Variants in DTNA observed in about 807,000 individuals in gnomAD.
DTNA encodes dystrophin-related protein 3.
Under a neutral mutation model 100.7 loss-of-function variants are expected in DTNA, and 43 were observed. The ratio of observed to expected loss-of-function variants is 0.43; its 90% confidence interval spans 0.33 to 0.55. The LOEUF (loss-of-function observed/expected upper bound fraction) is 0.55, where lower values mean the gene tolerates loss of function less well. DTNA is among the 20% of genes least tolerant of loss of function. The pLI is 0.04. For missense variants in DTNA, 798 were observed against 953.9 expected, an observed-to-expected ratio of 0.84 and a Z score of 2.15; for synonymous variants, 349 against 347.9, an observed-to-expected ratio of 1.00 and a Z score of -0.04.
At chr18:34,883,489 TTG>T (rs1453454401) in intron 21 of DTNA, among the ~76,000 whole-genome samples, 1 of 152,008 alleles carries the variant, frequency 6.6e-6, no homozygotes, top group African/African-American at 2.4e-5. Flanking sequence ...TTTTTATTTT[TTG>T]TGGAGTCAGG....
intron 2 of DTNA, among the ~76,000 whole-genome samples, chr18:34,756,913 G>A (rs1442165031): frequency 6.6e-6 from 1 of 152,060 alleles, no homozygotes; most frequent in African/African-American, 2.4e-5. Context: ...AAGAGTGAGT[G>A]GTAAGCCTTT....
chr18:34,812,227 T>C (rs2095499838), intron 6 of DTNA, 114 bp downstream of exon 6: 3 of 1,456,170 alleles, frequency 2.1e-6, no homozygotes, highest in Admixed American at 3.6e-5. Context: ...GATAGCAACC[T>C]GTATTGTATT....
chr18:34,758,632 A>G (rs925083475), intron 2 of DTNA, among the ~76,000 whole-genome samples: 11 of 152,226 alleles, frequency 7.2e-5, no homozygotes, highest in Non-Finnish European at 1.6e-4. Flanking sequence ...TTCAATTATT[A>G]TATTTCAAAG....
At chr18:34,649,326 G>A (rs904112956) in intron 1 of DTNA, among the ~76,000 whole-genome samples, 2 of 152,140 alleles carry the variant, frequency 1.3e-5, no homozygotes, top group African/African-American at 4.8e-5. Flanking sequence ...TGATATATCT[G>A]CAAAACGGCT....
intron 6 of DTNA, among the ~76,000 whole-genome samples, chr18:34,813,750 G>A (rs1480991906): frequency 6.7e-6 from 1 of 149,870 alleles, no homozygotes; most frequent in African/African-American, 2.5e-5. Context: ...CTAGAAGCAG[G>A]AGAATTGCTT....
At chr18:34,566,249 G>C (rs1051280064) in intron 1 of DTNA, among the ~76,000 whole-genome samples, 1 of 151,794 alleles carries the variant, frequency 6.6e-6, no homozygotes, top group Non-Finnish European at 1.5e-5. Context: ...AGCAGAGAAG[G>C]GTGGCATAGG....
In DTNA at chr18:34,624,779, G is replaced by A. The variant is rs560818842; in HGVS notation, c.-1-131197G>A. ...ACACAGTGGGAAACAGCTGTGATAAGTGCTTTAATAGTTGAATAAACAACA... is the reference window on the plus strand; with the variant it reads ...ACACAGTGGGAAACAGCTGTGATAAATGCTTTAATAGTTGAATAAACAACA... On this transcript the variant is annotated intron_variant, in intron 1 of 19. Coordinates refer to the DTNA transcript ENST00000283365. Among the ~76,000 whole-genome samples, 3 of 152,354 alleles carry A rather than the reference G, an allele frequency of 2.0e-5. No individual in the cohort carries two copies. The South Asian group carries it at 6.2e-4, about 32-fold the overall frequency.
upstream of DTNA, among the ~76,000 whole-genome samples, chr18:34,707,340 T>TA (rs922392841): frequency 6.6e-6 from 1 of 152,114 alleles, no homozygotes; most frequent in African/African-American, 2.4e-5. Context: ...TCATATGAAA[T>TA]TAAGTGGGTC....
chr18:34,856,122 G>A (rs534330604), intron 15 of DTNA, among the ~76,000 whole-genome samples: 44 of 152,264 alleles, frequency 2.9e-4, no homozygotes, highest in African/African-American at 1.1e-3. Flanking sequence ...AAGAGATGGC[G>A]GAAAGAGAGA....
At chr18:34,868,677 C>T (rs2096733590) in intron 17 of DTNA, 1 of 985,320 alleles carries the variant, frequency 1.0e-6, no homozygotes, top group Non-Finnish European at 1.2e-6. Context: ...TTTCTACTTA[C>T]ATTGTTTCTT....
intron 1 of DTNA, among the ~76,000 whole-genome samples, chr18:34,506,010 T>TG (rs896760571): frequency 6.6e-6 from 1 of 152,092 alleles, no homozygotes; most frequent in African/African-American, 2.4e-5. Flanking sequence ...CAGTGCCAGG[T>TG]GGGGGGTAGA....
chr18:34,779,952 A>C (rs536376536), intron 3 of DTNA, among the ~76,000 whole-genome samples: 1 of 152,310 alleles, frequency 6.6e-6, no homozygotes, highest in East Asian at 1.9e-4. Flanking sequence ...TGGTAGTATC[A>C]GACAGTGGAT....
intron 1 of DTNA, among the ~76,000 whole-genome samples, chr18:34,562,971 C>T (rs1246436263): frequency 1.3e-5 from 2 of 152,120 alleles, no homozygotes; most frequent in African/African-American, 2.4e-5. Context: ...AAAGTTGTCC[C>T]TGAAAACTTT....
Position 34,502,377 on chromosome 18 carries a change from A to T in DTNA, c.-2+8863A>T, listed in dbSNP as rs530667405. On this transcript the variant is annotated intron_variant, in intron 1 of 19. Coordinates refer to the DTNA transcript ENST00000283365. ...CATTTCATTGATTTCTGCTCTTATAATTGTTATTTTCTCCTACTTTTCTTG... is the reference window on the plus strand; with the variant it reads ...CATTTCATTGATTTCTGCTCTTATATTTGTTATTTTCTCCTACTTTTCTTG... Among the ~76,000 whole-genome samples the T allele has an allele frequency of 1.9e-3, 285 of 152,062 alleles. 1 individual carries two copies. Among genetic ancestry groups the T allele is most frequent in the Non-Finnish European group, 3.3e-3 (223 of 67,954 alleles).
At position 34,551,484 on chromosome 18, in the gene DTNA, T is replaced by G. The variant is rs1465055608; in HGVS notation, c.-2+57970T>G. ...TTTTGTTTTACTTTTTATTGGATAT[T>G]TTTTTTTGTCAATGCTTGTTGGCAT... On this transcript the variant is annotated intron_variant, in intron 1 of 19. Transcript: ENST00000283365. Among the ~76,000 whole-genome samples the G allele has an allele frequency of 2.6e-5, 4 of 152,050 alleles. No homozygotes were observed. In the South Asian group the frequency reaches 8.3e-4, roughly 32 times the overall value.
chr18:34,693,288 G>T (rs1407752399), intron 1 of DTNA, among the ~76,000 whole-genome samples: 1 of 152,030 alleles, frequency 6.6e-6, no homozygotes, highest in Non-Finnish European at 1.5e-5. Flanking sequence ...AATTATATTT[G>T]CCATAGATTA....
chr18:34,851,684 A>G, intron 14 of DTNA, 147 bp from the exon 15 acceptor site: 1 of 898,190 alleles, frequency 1.1e-6, no homozygotes, highest in South Asian at 1.5e-5. Context: ...TAGGAGAAAA[A>G]TGGCAATTGA....
At chr18:34,521,910 T>G (rs1451995569) in intron 1 of DTNA, among the ~76,000 whole-genome samples, 1 of 152,182 alleles carries the variant, frequency 6.6e-6, no homozygotes, top group Non-Finnish European at 1.5e-5. Context: ...CCCACTACAA[T>G]GTAAGCTGCA....
At chr18:34,607,141 A>G (rs2053290898) in intron 1 of DTNA, among the ~76,000 whole-genome samples, 1 of 152,170 alleles carries the variant, frequency 6.6e-6, no homozygotes, top group Non-Finnish European at 1.5e-5. Flanking sequence ...TTTTCTCCAC[A>G]TTTCTAGTAA....
Sources: allele counts gnomAD v4.1 joint callset (sites outside exome capture counted in the v4.1 genomes callset), GRCh38; gene constraint gnomAD v4.1.1; transcripts MANE v1.5; gene names NCBI Gene and HGNC (gene_info 2026-07-23, HGNC 2026-07-21).